The following CFAP299 variants were observed in gnomAD, a reference collection of about 807,000 sequenced individuals.
CFAP299 encodes the protein cilia and flagella associated protein 299.
A neutral mutation model predicts 27.0 loss-of-function variants in CFAP299; 21 were observed. That is an observed-to-expected ratio of 0.78 (90% confidence interval 0.55 to 1.12). CFAP299 has a LOEUF of 1.12. Ranked by LOEUF, CFAP299 falls within the 50% of genes most tolerant of loss-of-function variation. The pLI, the probability that CFAP299 is intolerant of heterozygous loss-of-function variation, is 0.00. For missense variants in CFAP299, 310 were observed against 276.6 expected, an observed-to-expected ratio of 1.12 and a Z score of -0.86; for synonymous variants, 104 against 98.1, an observed-to-expected ratio of 1.06 and a Z score of -0.36.
intron 3 of CFAP299, among the ~76,000 whole-genome samples, chr4:80,861,443 C>T (rs1454896439): frequency 1.3e-5 from 2 of 152,146 alleles, no homozygotes; most frequent in Non-Finnish European, 2.9e-5. Flanking sequence ...GTCTGGCACT[C>T]CCTAGTGAGA....
At chr4:80,861,210 G>A (rs562979364) in intron 3 of CFAP299, among the ~76,000 whole-genome samples, 27 of 152,320 alleles carry the variant, frequency 1.8e-4, no homozygotes, top group South Asian at 6.2e-4. Flanking sequence ...AGGACCCTCC[G>A]AGCCAGGTGC....
At chr4:80,426,997 A>T (rs919786788) in intron 2 of CFAP299, among the ~76,000 whole-genome samples, 5 of 152,174 alleles carry the variant, frequency 3.3e-5, no homozygotes, top group African/African-American at 1.2e-4. Flanking sequence ...CTATAGGCTT[A>T]TGTCCATTCA....
chr4:80,937,663 T>C (rs1051536005), intron 4 of CFAP299, among the ~76,000 whole-genome samples: 5 of 152,262 alleles, frequency 3.3e-5, no homozygotes, highest in South Asian at 4.1e-4. Context: ...TAGTTGGATC[T>C]TTTTTATTAC....
At chr4:80,335,719 C>A, upstream of CFAP299, 1 of 1,119,514 alleles carries the variant, frequency 8.9e-7, no homozygotes, top group South Asian at 1.2e-5. Flanking sequence ...GCCTCCTGAC[C>A]CTGCCCTCCT....
At chr4:80,796,697 G>A (rs940676140) in intron 3 of CFAP299, among the ~76,000 whole-genome samples, 32 of 152,298 alleles carry the variant, frequency 2.1e-4, no homozygotes, top group African/African-American at 6.7e-4. Context: ...GGCCAAATGG[G>A]AGAGTGAATG....
At chr4:80,574,951 G>C (rs1008750921) in intron 2 of CFAP299, among the ~76,000 whole-genome samples, 9 of 148,262 alleles carry the variant, frequency 6.1e-5, no homozygotes, top group African/African-American at 2.3e-4. Flanking sequence ...AGGTAGTTTT[G>C]GTATCAAAGT....
chr4:80,608,389 T>C (rs1737786278), intron 3 of CFAP299: 1 of 1,519,840 alleles, frequency 6.6e-7, no homozygotes, highest in African/African-American at 1.4e-5. Context: ...TGGCAGTAAG[T>C]ACTGCTTATG....
intron 3 of CFAP299, among the ~76,000 whole-genome samples, chr4:80,725,748 T>G (rs1287181488): frequency 1.3e-5 from 2 of 152,200 alleles, no homozygotes; most frequent in Non-Finnish European, 2.9e-5. Context: ...TATTGTAGGT[T>G]TTCCCTTTGT....
chr4:80,445,579 G>A (rs939661429), intron 2 of CFAP299, among the ~76,000 whole-genome samples: 1 of 152,086 alleles, frequency 6.6e-6, no homozygotes. Context: ...TGTAGATGAC[G>A]GGTTGATGCG....
intron 1 of CFAP299, among the ~76,000 whole-genome samples, chr4:80,338,622 C>T (rs1163599711): frequency 6.6e-6 from 1 of 152,178 alleles, no homozygotes; most frequent in Non-Finnish European, 1.5e-5. Context: ...ATTATCTGTA[C>T]ACCCATGTAT....
At chr4:80,874,780 G>A (rs921013108) in intron 4 of CFAP299, among the ~76,000 whole-genome samples, 14 of 152,086 alleles carry the variant, frequency 9.2e-5, no homozygotes, top group African/African-American at 3.1e-4. Context: ...ATTTTGAGAA[G>A]CATGCCCTAG....
chr4:80,884,777 A>G (rs1221119760), intron 4 of CFAP299, among the ~76,000 whole-genome samples: 2 of 152,116 alleles, frequency 1.3e-5, no homozygotes, highest in African/African-American at 4.8e-5. Context: ...GTGGAGCAAG[A>G]TGGCAGAATA....
chr4:80,931,590 T>C (rs1736617706), intron 4 of CFAP299, among the ~76,000 whole-genome samples: 1 of 152,124 alleles, frequency 6.6e-6, no homozygotes, highest in South Asian at 2.1e-4. Context: ...ACTCATTCCA[T>C]AGCCATAGCA....
chr4:80,951,360 A>G (rs17005011), intron 5 of CFAP299, among the ~76,000 whole-genome samples: 6,054 of 152,278 alleles, frequency 0.04, 428 homozygotes, highest in African/African-American at 0.14. Context: ...TAGACTGTGC[A>G]TGGACTTAGC....
intron 2 of CFAP299, among the ~76,000 whole-genome samples, chr4:80,416,115 T>C (rs1002217062): frequency 6.6e-5 from 10 of 152,192 alleles, no homozygotes; most frequent in Admixed American, 5.9e-4. Flanking sequence ...AAAGCACAAA[T>C]TGTTATTAGT....
chr4:80,631,565 C>T (rs1245583259), intron 3 of CFAP299, among the ~76,000 whole-genome samples: 2 of 151,954 alleles, frequency 1.3e-5, no homozygotes, highest in Non-Finnish European at 2.9e-5. Context: ...TTAACAGCTC[C>T]AATATTTAAG....
intron 4 of CFAP299, chr4:80,872,467 C>A (rs1733149637): frequency 6.6e-6 from 1 of 151,966 alleles, no homozygotes; most frequent in Non-Finnish European, 1.5e-5. Context: ...AAATAAATTC[C>A]TGCAGAAATA....
intron 2 of CFAP299, among the ~76,000 whole-genome samples, chr4:80,501,813 T>C (rs1465197121): frequency 6.6e-6 from 1 of 151,598 alleles, no homozygotes; most frequent in South Asian, 2.1e-4. Context: ...ATACAAAGTA[T>C]AGTACTTTTG....
intron 3 of CFAP299, among the ~76,000 whole-genome samples, chr4:80,649,746 G>T (rs1231050035): frequency 1.3e-5 from 2 of 151,944 alleles, no homozygotes; most frequent in Non-Finnish European, 2.9e-5. Context: ...ACTTTTTTGT[G>T]TATAAAAGAA....
Sources: gnomAD v4.1 joint callset for allele counts (sites outside exome capture counted in the v4.1 genomes callset) on GRCh38, gnomAD v4.1.1 for gene constraint, MANE v1.5 for transcripts, NCBI Gene and HGNC (gene_info 2026-07-23, HGNC 2026-07-21) for gene names.